DGKB: variants seen among roughly 807,000 people sequenced by gnomAD.
DGKB encodes 90 kDa diacylglycerol kinase.
DGKB carries 67 observed loss-of-function variants against 114.3 expected under a neutral mutation model. The observed-to-expected ratio is 0.59, with a 90% CI of 0.48 to 0.72. The LOEUF is 0.72. DGKB is among the 30% of genes least tolerant of loss of function. The pLI is 0.00. For missense variants in DGKB, 907 were observed against 975.2 expected, an observed-to-expected ratio of 0.93 and a Z score of 0.93; for synonymous variants, 398 against 323.1, an observed-to-expected ratio of 1.23 and a Z score of -2.49.
intron 2 of DGKB, among the ~76,000 whole-genome samples, chr7:14,767,453 C>T (rs1836632770): frequency 6.6e-6 from 1 of 151,850 alleles, no homozygotes; most frequent in South Asian, 2.1e-4. Context: ...GTAGCTGGTG[C>T]ATAGTATATA....
Position 14,574,271 on chromosome 7 carries a change from C to T in DGKB, c.1711G>A (p.Asp571Asn). 6.2e-7 allele frequency: 1 copy of T among 1,613,386 alleles called. No homozygotes were observed. Among genetic ancestry groups the T allele is most frequent in the East Asian group, 2.2e-5 (1 of 44,780 alleles). ...WKFEVIPNDK[D>N]EKGDPVPYSI... ...TAAGGCACTGGGTCTCCTTTCTCAT[C>T]TTTGTCATTAGGTATGACTTCAAAC... The change falls in exon 20 of 26, where the codon GAT becomes AAT. Residue 571 changes from aspartate to asparagine, a missense_variant. Asp to Asn is a conservative substitution (Grantham distance 23, BLOSUM62 1). This residue lies in a region of DGKB where 814 missense variants were observed against 856.6 expected (regional missense o/e 0.95). Transcript: ENST00000402815.
intron 23 of DGKB, among the ~76,000 whole-genome samples, chr7:14,284,014 G>T (rs1162586143): frequency 6.6e-6 from 1 of 152,144 alleles, no homozygotes; most frequent in Non-Finnish European, 1.5e-5. Context: ...ATTGACAAAT[G>T]GGGTCTAATT....
At chr7:14,786,453 G>A (rs190040364) in intron 2 of DGKB, among the ~76,000 whole-genome samples, 140 of 152,292 alleles carry the variant, frequency 9.2e-4, no homozygotes, top group African/African-American at 3.2e-3. Flanking sequence ...CATCTGGAGT[G>A]GCTGCTGCAA....
intron 2 of DGKB, among the ~76,000 whole-genome samples, chr7:14,761,621 T>C (rs1835707737): frequency 6.6e-6 from 1 of 152,154 alleles, no homozygotes; most frequent in South Asian, 2.1e-4. Flanking sequence ...TATACCTGGA[T>C]GAACAGATAG....
At position 14,879,613 on chromosome 7, in the gene DGKB, A is replaced by G. The variant is rs534209563; in HGVS notation, c.-188+22979T>C. Among the ~76,000 whole-genome samples the G allele has an allele frequency of 2.6e-3, 395 of 152,312 alleles. 2 individuals carry two copies. Among genetic ancestry groups the G allele is most frequent in the Middle Eastern group, 0.01 (3 of 294 alleles). The stretch of plus-strand genomic sequence containing the variant: ...CCCAAGTATCTCCCTGTGATCTTTA[A>G]TATTTCTGTTAGTACACAAACTTGT... On this transcript the variant is annotated intron_variant, in intron 1 of 25. Transcript: ENST00000402815.
intron 20 of DGKB, among the ~76,000 whole-genome samples, chr7:14,499,344 T>C (rs1205479875): frequency 6.6e-6 from 1 of 151,714 alleles, no homozygotes; most frequent in Non-Finnish European, 1.5e-5. Context: ...AAGTCTTCAT[T>C]TGATTTGAAA....
At chr7:14,338,422 T>G in intron 23 of DGKB, 93 bp downstream of exon 23, 1 of 686,958 alleles carries the variant, frequency 1.5e-6, no homozygotes, top group Non-Finnish European at 2.3e-6. Flanking sequence ...AATATATAAA[T>G]TATTATAGTG....
rs1449097714 is a variant in DGKB at position 14,652,487 on chromosome 7, T to A, written c.1134+20442A>T. Among the ~76,000 whole-genome samples, 39 of 152,034 alleles carry A rather than the reference T, an allele frequency of 2.6e-4. 1 individual carries two copies. The highest frequency in any genetic ancestry group is 9.7e-4 in the East Asian group (5 of 5,164). On this transcript the variant is annotated intron_variant, in intron 13 of 25. Transcript: ENST00000402815. ...ACTGGATCCCTTCCTTACACCTTAT[T>A]CAAAAATCAATTCAAGATGGATTAA...
intron 23 of DGKB, among the ~76,000 whole-genome samples, chr7:14,311,914 A>G (rs905515255): frequency 6.6e-6 from 1 of 152,180 alleles, no homozygotes; most frequent in African/African-American, 2.4e-5. Flanking sequence ...CTAGTCTAGC[A>G]ACTATAAAAA....
chr7:14,592,006 TTA>T (rs1478909117), intron 17 of DGKB, among the ~76,000 whole-genome samples: 1 of 151,896 alleles, frequency 6.6e-6, no homozygotes, highest in African/African-American at 2.4e-5. Flanking sequence ...TATTCCAATC[TTA>T]TATTTTATTA....
At chr7:14,939,267 T>C (rs891674338) in intron 1 of DGKB, among the ~76,000 whole-genome samples, 4 of 152,202 alleles carry the variant, frequency 2.6e-5, no homozygotes, top group African/African-American at 9.7e-5. Flanking sequence ...TTTACAGAAT[T>C]TATCTCGTGC....
intron 20 of DGKB, among the ~76,000 whole-genome samples, chr7:14,522,446 A>G (rs1198488305): frequency 2.6e-5 from 4 of 152,180 alleles, no homozygotes; most frequent in African/African-American, 9.6e-5. Context: ...TGAATGCACC[A>G]TATAAATGTG....
chr7:14,973,590 A>G (rs1787621740), intron 1 of DGKB, among the ~76,000 whole-genome samples: 1 of 146,142 alleles, frequency 6.8e-6, no homozygotes, highest in Non-Finnish European at 1.5e-5. Context: ...AGAACAACAC[A>G]CCCTTCACCA....
chr7:14,724,471 G>A (rs1585998099), intron 5 of DGKB, among the ~76,000 whole-genome samples: 1 of 152,290 alleles, frequency 6.6e-6, no homozygotes, highest in East Asian at 1.9e-4. Context: ...GTGAGATACA[G>A]TCCCTGATAT....
chr7:14,749,345 T>G (rs1833795436), intron 4 of DGKB, among the ~76,000 whole-genome samples: 1 of 152,158 alleles, frequency 6.6e-6, no homozygotes, highest in Non-Finnish European at 1.5e-5. Context: ...AACCTTGAAT[T>G]TTAATTTTTA....
Position 14,158,463 on chromosome 7 carries a change from G to A in DGKB, c.2305-9225C>T, listed in dbSNP as rs555155613. On this transcript the variant is annotated intron_variant, in intron 25 of 25. Transcript: ENST00000402815. Reference sequence around the variant, plus strand: ...TTTGTTTGTTTGTTTAATCAAGGGAGTCCAATAAGCTCACACTGTCTTATT... The same window carrying A: ...TTTGTTTGTTTGTTTAATCAAGGGAATCCAATAAGCTCACACTGTCTTATT... Among the ~76,000 whole-genome samples, 14 of 152,290 alleles carry A rather than the reference G, an allele frequency of 9.2e-5. No homozygotes were observed. In the South Asian group the frequency reaches 1.7e-3, roughly 18 times the overall value.
intron 1 of DGKB, among the ~76,000 whole-genome samples, chr7:14,858,528 G>A (rs1562739547): frequency 6.6e-6 from 1 of 152,256 alleles, no homozygotes. Flanking sequence ...ATATTGCCCT[G>A]TGGAGCAGGA....
intron 21 of DGKB, among the ~76,000 whole-genome samples, chr7:14,459,917 G>A (rs1832821887): frequency 6.6e-6 from 1 of 152,124 alleles, no homozygotes; most frequent in African/African-American, 2.4e-5. Flanking sequence ...AACCCTACAA[G>A]CCAGAAGAGA....
chr7:14,409,763 C>T lies in DGKB; in HGVS notation c.1836-64372G>A, dbSNP rs12699616. ...AAAAGTTGAATTGTTTGATATGTAC[C>T]GTAGATTGAAGTCTGCAGTTGTGTT... On this transcript the variant is annotated intron_variant, in intron 21 of 25. Coordinates refer to ENST00000402815, the MANE Select transcript of DGKB (RefSeq NM_001350709.2). Among the ~76,000 whole-genome samples, 3 of 92,332 alleles carry T rather than the reference C, an allele frequency of 3.2e-5. 1 individual carries two copies. The highest frequency in any genetic ancestry group is 3.1e-4 in the South Asian group (1 of 3,238). 60.6% of individuals were successfully genotyped at this position (92,332 alleles called of 152,430 possible).
Sources: allele counts gnomAD v4.1 joint callset (sites outside exome capture counted in the v4.1 genomes callset), GRCh38; gene constraint gnomAD v4.1.1; regional missense constraint gnomAD v4.1.1; transcripts MANE v1.5; gene names NCBI Gene and HGNC (gene_info 2026-07-23, HGNC 2026-07-21).